GNAL: variants seen among roughly 807,000 people sequenced by gnomAD.
GNAL encodes the protein guanine nucleotide-binding protein G(olf) subunit alpha.
In GNAL, 18 loss-of-function variants were observed where a neutral mutation model predicts 55.1. The observed-to-expected ratio is 0.33, with a 90% confidence interval of 0.23 to 0.48. The LOEUF (loss-of-function observed/expected upper bound fraction) is 0.48, where lower values mean the gene tolerates loss of function less well. Among genes scored for constraint, GNAL ranks in the 20% least tolerant of loss-of-function variants. The probability of loss-of-function intolerance (pLI) is 0.99; values close to 1 mark genes in which losing one functional copy is unlikely to be tolerated. For missense variants in GNAL, 412 were observed against 614.1 expected, an observed-to-expected ratio of 0.67 and a Z score of 3.48; for synonymous variants, 253 against 237.0, an observed-to-expected ratio of 1.07 and a Z score of -0.62.
At position 11,770,207 on chromosome 18, in the gene GNAL, A is replaced by G. The variant is rs917037579; in HGVS notation, c.624+16262A>G. Reference sequence around the variant, plus strand: ...GTTTCAATAGCTGGAAGCATCCTGAAGCATTATATTAATTTTTGAACTATT... The same window carrying G: ...GTTTCAATAGCTGGAAGCATCCTGAGGCATTATATTAATTTTTGAACTATT... On this transcript the variant is annotated intron_variant, in intron 4 of 11. Transcript: ENST00000334049. Among the ~76,000 whole-genome samples the G allele has an allele frequency of 1.2e-4, 18 of 152,314 alleles. No homozygotes were observed. In the East Asian group the frequency reaches 3.1e-3, roughly 26 times the overall value.
At chr18:11,730,978 T>C (rs2032326732) in intron 1 of GNAL, among the ~76,000 whole-genome samples, 1 of 152,222 alleles carries the variant, frequency 6.6e-6, no homozygotes, top group East Asian at 1.9e-4. Flanking sequence ...TAGCATGGCC[T>C]TGGGTCCTGT....
intron 4 of GNAL, among the ~76,000 whole-genome samples, chr18:11,777,034 T>TA (rs1435176270): frequency 6.6e-6 from 1 of 152,216 alleles, no homozygotes; most frequent in Admixed American, 6.5e-5. Context: ...GAAGGACAAA[T>TA]ACATTTCTTT....
chr18:11,697,285 C>T (rs576384931), intron 1 of GNAL, among the ~76,000 whole-genome samples: 1 of 152,026 alleles, frequency 6.6e-6, no homozygotes, highest in Non-Finnish European at 1.5e-5. Flanking sequence ...CGCCTGTAAT[C>T]CCAGCGCTTT....
chr18:11,738,954 C>T (rs887645121), intron 1 of GNAL, among the ~76,000 whole-genome samples: 6 of 152,276 alleles, frequency 3.9e-5, no homozygotes. Flanking sequence ...TGCTCTTTGC[C>T]GCCCGACGTC....
Position 11,689,567 on chromosome 18 carries a change from G to T in GNAL, c.4G>T (p.Gly2Cys). 1 of 1,280,534 alleles carries T rather than the reference G, an allele frequency of 7.8e-7. No individual in the cohort carries two copies. Among genetic ancestry groups the T allele is most frequent in the South Asian group, 2.6e-5 (1 of 38,714 alleles). The allele number at this position is 1,280,534 out of a possible 1,614,324, so 79.3% of individuals were successfully genotyped here. A position where few individuals can be genotyped will look rare whatever the true frequency, so the allele number is the denominator to read the frequency against. Residue 2 changes from glycine (G) to cysteine (C), a missense_variant, in exon 1 of 12, where the codon GGT becomes TGT. Transcript: ENST00000334049. M[G>C]LCYSLRPLLF... ...GCCCCCGCTGTGCCGCGCCCACATG[G>T]GTCTGTGCTACAGTCTGCGGCCGCT...
At position 11,880,588 on chromosome 18, in the gene GNAL, TAAAC is replaced by T. The variant is rs775991714; in HGVS notation, c.1231-393_1231-390del. Among the ~76,000 whole-genome samples the T allele has an allele frequency of 7.2e-5, 11 of 152,156 alleles. No individual in the cohort carries two copies. In the East Asian group the frequency reaches 7.7e-4, roughly 11 times the overall value. On this transcript the variant is annotated intron_variant, in intron 11 of 11. Transcript: ENST00000334049. ...AGACTCAGTCTCAAAAATATATAAA[TAAAC>T]AAACAAAATAAAATTAGCTAATTAG...
intron 4 of GNAL, among the ~76,000 whole-genome samples, chr18:11,784,672 C>G (rs2034009565): frequency 6.6e-6 from 1 of 151,976 alleles, no homozygotes; most frequent in Non-Finnish European, 1.5e-5. Flanking sequence ...AAGAAGTTGG[C>G]TGTGGTCTGT....
intron 1 of GNAL, among the ~76,000 whole-genome samples, chr18:11,724,788 G>A (rs1000629568): frequency 2.0e-5 from 3 of 152,208 alleles, no homozygotes; most frequent in African/African-American, 7.2e-5. Flanking sequence ...TCAGTGGCCT[G>A]TAGTCAAGCA....
intron 1 of GNAL, among the ~76,000 whole-genome samples, chr18:11,743,403 G>C (rs2143034704): frequency 6.6e-6 from 1 of 151,820 alleles, no homozygotes; most frequent in Middle Eastern, 3.4e-3. Flanking sequence ...AAGGGACTTT[G>C]TGGAGTCCGA....
chr18:11,790,055 C>T (rs543162371), intron 4 of GNAL, among the ~76,000 whole-genome samples: 1 of 152,332 alleles, frequency 6.6e-6, no homozygotes, highest in Non-Finnish European at 1.5e-5. Context: ...TTCTAGAACG[C>T]TCCAGTGGCC....
intron 10 of GNAL, among the ~76,000 whole-genome samples, chr18:11,873,224 G>A (rs2036439161): frequency 6.6e-6 from 1 of 152,198 alleles, no homozygotes; most frequent in Non-Finnish European, 1.5e-5. Flanking sequence ...ATATAGTTAA[G>A]ATTTGGAAAA....
intron 1 of GNAL, among the ~76,000 whole-genome samples, chr18:11,717,884 C>T (rs2032011031): frequency 6.6e-6 from 1 of 152,154 alleles, no homozygotes; most frequent in South Asian, 2.1e-4. Flanking sequence ...AATAAAACCT[C>T]AAGACACAAG....
intron 1 of GNAL, among the ~76,000 whole-genome samples, chr18:11,704,365 C>T (rs1325365442): frequency 6.6e-6 from 1 of 152,248 alleles, no homozygotes; most frequent in Non-Finnish European, 1.5e-5. Context: ...GCAGGCCTTC[C>T]ACTGAACCCT....
chr18:11,821,864 G>A, intron 4 of GNAL, among the ~76,000 whole-genome samples: 1 of 152,242 alleles, frequency 6.6e-6, no homozygotes. Context: ...AAGCACAAGG[G>A]CCTCCCGCCT....
chr18:11,728,281 TG>T (rs942604809), intron 1 of GNAL, among the ~76,000 whole-genome samples: 4 of 149,986 alleles, frequency 2.7e-5, no homozygotes, highest in African/African-American at 9.8e-5. Context: ...GGGGGTGGGG[TG>T]GGGGGAGTAA....
At chr18:11,862,085 C>T (rs1338014508) in intron 5 of GNAL, among the ~76,000 whole-genome samples, 2 of 151,888 alleles carry the variant, frequency 1.3e-5, no homozygotes, top group Non-Finnish European at 2.9e-5. Flanking sequence ...TAGCCTTGGA[C>T]GGGAGGCTCC....
At chr18:11,726,417 A>G (rs1164755938) in intron 1 of GNAL, among the ~76,000 whole-genome samples, 1 of 152,250 alleles carries the variant, frequency 6.6e-6, no homozygotes, top group Non-Finnish European at 1.5e-5. Context: ...GCTTATTAAT[A>G]ACCATTTGTG....
chr18:11,880,629 TTGG>T (rs2036657322), intron 11 of GNAL, among the ~76,000 whole-genome samples: 1 of 152,154 alleles, frequency 6.6e-6, no homozygotes, highest in African/African-American at 2.4e-5. Context: ...AATCAGCCCC[TTGG>T]TGGTATCAGC....
intron 4 of GNAL, among the ~76,000 whole-genome samples, chr18:11,781,794 A>T (rs193010796): frequency 1.3e-5 from 2 of 152,328 alleles, no homozygotes; most frequent in East Asian, 3.8e-4. Flanking sequence ...TTTGAGGAAA[A>T]CTTAGGAGAT....
Sources: gnomAD v4.1 joint callset for allele counts (sites outside exome capture counted in the v4.1 genomes callset) on GRCh38, gnomAD v4.1.1 for gene constraint, MANE v1.5 for transcripts, NCBI Gene and HGNC (gene_info 2026-07-23, HGNC 2026-07-21) for gene names.